WDR41: variants seen among roughly 807,000 people sequenced by gnomAD.
WDR41 encodes WD repeat domain 41.
Under a neutral mutation model 69.3 loss-of-function variants are expected in WDR41, and 63 were observed. The ratio of observed to expected loss-of-function variants is 0.91; its 90% CI spans 0.74 to 1.12. The LOEUF (loss-of-function observed/expected upper bound fraction) is 1.12. Among genes scored for constraint, WDR41 ranks in the 50% most tolerant of loss-of-function variants. The pLI, the probability that WDR41 is intolerant of heterozygous loss-of-function variation, is 0.00. For missense variants in WDR41, 543 were observed against 534.5 expected (o/e 1.02, Z -0.16); for synonymous variants, 185 against 192.1 (o/e 0.96, Z 0.31).
At chr5:77,493,589 C>G (rs1169139343), upstream of WDR41, among the ~76,000 whole-genome samples, 1 of 152,160 alleles carries the variant, frequency 6.6e-6, no homozygotes, top group Admixed American at 6.5e-5. Context: ...GGCAAGAACA[C>G]ACTCCCAAGG....
intron 2 of WDR41, among the ~76,000 whole-genome samples, chr5:77,485,266 C>T (rs1801462791): frequency 6.6e-6 from 1 of 152,150 alleles, no homozygotes; most frequent in African/African-American, 2.4e-5. Context: ...CCCAGGGAAC[C>T]CAGATCCTAG....
intron 2 of WDR41, among the ~76,000 whole-genome samples, chr5:77,474,536 T>C (rs893426474): frequency 2.6e-5 from 4 of 152,120 alleles, no homozygotes; most frequent in Non-Finnish European, 2.9e-5. Flanking sequence ...TGTAAAGGAG[T>C]TGAAGGAAAC....
intron 1 of WDR41, among the ~76,000 whole-genome samples, chr5:77,575,224 T>C (rs1743809474): frequency 6.6e-6 from 1 of 152,180 alleles, no homozygotes; most frequent in Admixed American, 6.5e-5. Flanking sequence ...ATCTTTGTAG[T>C]TTCTGAAAGA....
At chr5:77,533,242 C>T (rs1440214438) in intron 1 of WDR41, among the ~76,000 whole-genome samples, 10 of 152,142 alleles carry the variant, frequency 6.6e-5, no homozygotes. Flanking sequence ...TTCTTTGCAA[C>T]ATTTGTTTAT....
At chr5:77,608,795 C>T (rs950445746) in intron 1 of WDR41, among the ~76,000 whole-genome samples, 23 of 152,184 alleles carry the variant, frequency 1.5e-4, no homozygotes, top group African/African-American at 4.8e-4. Context: ...GAGTGCCAGA[C>T]AGTGGGCGCA....
At chr5:77,543,409 T>G (rs995135424) in intron 1 of WDR41, among the ~76,000 whole-genome samples, 1 of 151,088 alleles carries the variant, frequency 6.6e-6, no homozygotes, top group Non-Finnish European at 1.5e-5. Context: ...CAAAAAACGA[T>G]GCAAGTGAAG....
intron 1 of WDR41, among the ~76,000 whole-genome samples, chr5:77,609,793 C>G (rs1322720830): frequency 1.3e-5 from 2 of 152,246 alleles, no homozygotes; most frequent in African/African-American, 4.8e-5. Context: ...AGCAACGGAA[C>G]AAAGCTGGAC....
intron 1 of WDR41, among the ~76,000 whole-genome samples, chr5:77,571,164 T>C (rs542104748): frequency 1.3e-4 from 20 of 152,208 alleles, no homozygotes; most frequent in African/African-American, 4.8e-4. Flanking sequence ...AATAAGGAAA[T>C]ATAATCCTTA....
intron 1 of WDR41, among the ~76,000 whole-genome samples, chr5:77,533,507 A>G (rs1352137197): frequency 6.6e-6 from 1 of 152,146 alleles, no homozygotes; most frequent in Non-Finnish European, 1.5e-5. Context: ...ATACTTATCC[A>G]AGTACAGGCA....
At chr5:77,500,554 C>T (rs1452024239) in intron 1 of WDR41, among the ~76,000 whole-genome samples, 1 of 152,132 alleles carries the variant, frequency 6.6e-6, no homozygotes, top group Non-Finnish European at 1.5e-5. Flanking sequence ...ATAAATAACC[C>T]TACACACAAA....
intron 1 of WDR41, among the ~76,000 whole-genome samples, chr5:77,539,479 G>A (rs3846672): frequency 0.46 from 69,345 of 151,840 alleles, 16,175 homozygotes; most frequent in Admixed American, 0.54. Flanking sequence ...CCTTTCTAAT[G>A]AGCTCTCTGG....
At position 77,431,517 on chromosome 5, in the gene WDR41, C is replaced by G. The variant is rs548955388; in HGVS notation, c.*1618G>C. ...TTGCTTTTTTGATGTGGTCTGAAAC[C>G]TAACCTGTAGTATCTCTGAGGTACG... On this transcript the variant is annotated 3_prime_UTR_variant, in exon 13 of 13. Coordinates refer to ENST00000296679, the MANE Select transcript of WDR41 (RefSeq NM_018268.4). 1 of 152,272 alleles carries G rather than the reference C, an allele frequency of 6.6e-6. No individual in the cohort carries two copies. Among genetic ancestry groups the G allele is most frequent in the Non-Finnish European group, 1.5e-5 (1 of 68,032 alleles). 9.4% of individuals were successfully genotyped at this position (152,272 alleles called of 1,614,324 possible). A position where few individuals can be genotyped will look rare whatever the true frequency, so the allele number is the denominator to read the frequency against.
intron 2 of WDR41, among the ~76,000 whole-genome samples, chr5:77,478,672 A>T (rs950490722): frequency 3.9e-5 from 6 of 152,184 alleles, no homozygotes; most frequent in African/African-American, 1.4e-4. Context: ...GATGGGACGT[A>T]TTTCAAAATA....
At chr5:77,495,380 C>T (rs1310249489), upstream of WDR41, among the ~76,000 whole-genome samples, 1 of 151,754 alleles carries the variant, frequency 6.6e-6, no homozygotes, top group Non-Finnish European at 1.5e-5. Context: ...AAACCTTTAG[C>T]TGGACTGACA....
chr5:77,541,570 G>A (rs1743089536), intron 1 of WDR41, among the ~76,000 whole-genome samples: 1 of 140,276 alleles, frequency 7.1e-6, no homozygotes, highest in African/African-American at 2.7e-5. Flanking sequence ...TTGGCTCACT[G>A]CAACCTCTGC....
At chr5:77,611,719 A>G (rs1368483182) in intron 1 of WDR41, among the ~76,000 whole-genome samples, 3 of 151,862 alleles carry the variant, frequency 2.0e-5, no homozygotes, top group Non-Finnish European at 4.4e-5. Flanking sequence ...CCCTAACATC[A>G]CAATTAAAAG....
intron 2 of WDR41, among the ~76,000 whole-genome samples, chr5:77,478,358 C>A (rs1372003241): frequency 6.6e-6 from 1 of 152,146 alleles, no homozygotes; most frequent in Non-Finnish European, 1.5e-5. Flanking sequence ...CAAAGCCGGG[C>A]AGAGACATAA....
intron 1 of WDR41, among the ~76,000 whole-genome samples, chr5:77,514,948 C>T (rs1028745383): frequency 6.6e-6 from 1 of 152,152 alleles, no homozygotes; most frequent in African/African-American, 2.4e-5. Context: ...AGAAGTTGCT[C>T]TGGGTGAGTC....
intron 1 of WDR41, among the ~76,000 whole-genome samples, chr5:77,537,448 G>A (rs1743008170): frequency 1.3e-5 from 2 of 152,218 alleles, no homozygotes; most frequent in South Asian, 2.1e-4. Context: ...TCACAAGAAG[G>A]AGTGGGTGCA....
Sources: gnomAD v4.1 joint callset for allele counts (sites outside exome capture counted in the v4.1 genomes callset) on GRCh38, gnomAD v4.1.1 for gene constraint, MANE v1.5 for transcripts, NCBI Gene and HGNC (gene_info 2026-07-23, HGNC 2026-07-21) for gene names.